Variants in ATRNL1 observed in about 807,000 individuals in gnomAD.
ATRNL1 encodes the protein attractin like 1.
In ATRNL1, 95 loss-of-function variants were observed where a neutral mutation model predicts 182.7. The ratio of observed to expected loss-of-function variants is 0.52; its 90% CI spans 0.44 to 0.62. The LOEUF (loss-of-function observed/expected upper bound fraction) is 0.62, where lower values mean the gene tolerates loss of function less well. ATRNL1 is among the 20% of genes least tolerant of loss of function. The pLI is 0.00. For synonymous variants in ATRNL1, 576 were observed against 568.3 expected (o/e 1.01, Z -0.19); for missense variants, 1,471 against 1,679.5 (o/e 0.88, Z 2.17).
intron 9 of ATRNL1, among the ~76,000 whole-genome samples, chr10:115,220,101 C>T (rs1434516814): frequency 1.3e-5 from 2 of 152,108 alleles, no homozygotes; most frequent in Admixed American, 1.3e-4. Flanking sequence ...TTCATCAATT[C>T]CTCTAGTTAT....
chr10:115,509,211 T>C (rs1334244325), intron 24 of ATRNL1, among the ~76,000 whole-genome samples: 2 of 152,036 alleles, frequency 1.3e-5, no homozygotes, highest in East Asian at 3.9e-4. Context: ...AAAAAAAGAC[T>C]TCTTTCAAAA....
intron 28 of ATRNL1, among the ~76,000 whole-genome samples, chr10:115,868,822 C>CTTTTATTTTTTTTTTTTT (rs1951501068): frequency 1.7e-5 from 1 of 58,084 alleles, no homozygotes; most frequent in Non-Finnish European, 3.2e-5. Context: ...AGTCTTTATT[C>CTTTTATTTTTTTTTTTTT]TTTTTTTTTT....
intron 27 of ATRNL1, among the ~76,000 whole-genome samples, chr10:115,783,730 C>T (rs188911435): frequency 9.9e-5 from 15 of 152,134 alleles, no homozygotes; most frequent in South Asian, 6.2e-4. Context: ...TAAAGTGATT[C>T]GGGGCCGGGC....
chr10:115,592,532 A>G (rs530140894), intron 26 of ATRNL1, among the ~76,000 whole-genome samples: 65 of 152,048 alleles, frequency 4.3e-4, no homozygotes, highest in African/African-American at 1.5e-3. Context: ...GCTCTACCTT[A>G]CTCCACCCCG....
intron 26 of ATRNL1, among the ~76,000 whole-genome samples, chr10:115,636,368 A>G (rs1338511187): frequency 6.6e-6 from 1 of 152,168 alleles, no homozygotes; most frequent in African/African-American, 2.4e-5. Flanking sequence ...AATCCCTTCC[A>G]TTCTTCCCAG....
chr10:115,911,205 G>T, intron 28 of ATRNL1, among the ~76,000 whole-genome samples: 1 of 152,032 alleles, frequency 6.6e-6, no homozygotes, highest in Non-Finnish European at 1.5e-5. Context: ...CTGCCATGTT[G>T]CCCAGGCTGT....
chr10:115,554,550 T>C (rs555689185), intron 26 of ATRNL1, among the ~76,000 whole-genome samples: 5 of 151,586 alleles, frequency 3.3e-5, no homozygotes, highest in Non-Finnish European at 7.4e-5. Flanking sequence ...ATACTGAGGA[T>C]ATAAAGAAAA....
At chr10:115,158,587 G>T (rs1454527632) in intron 5 of ATRNL1, among the ~76,000 whole-genome samples, 1 of 151,714 alleles carries the variant, frequency 6.6e-6, no homozygotes, top group African/African-American at 2.4e-5. Flanking sequence ...GTTTGTACCT[G>T]AAAAATACAG....
At chr10:115,743,138 C>A (rs1361541177) in intron 27 of ATRNL1, among the ~76,000 whole-genome samples, 2 of 151,388 alleles carry the variant, frequency 1.3e-5, no homozygotes, top group Non-Finnish European at 2.9e-5. Context: ...CCACCAGGTG[C>A]TTCCCAGGAC....
chr10:115,158,301 A>G (rs1462812105), intron 5 of ATRNL1, among the ~76,000 whole-genome samples: 1 of 152,052 alleles, frequency 6.6e-6, no homozygotes, highest in Non-Finnish European at 1.5e-5. Context: ...GCCAGGTAGT[A>G]AATACTTTTT....
chr10:115,253,753 A>G (rs1554905986), intron 10 of ATRNL1, among the ~76,000 whole-genome samples: 1 of 152,002 alleles, frequency 6.6e-6, no homozygotes, highest in East Asian at 1.9e-4. Flanking sequence ...CTCATCATTT[A>G]CATTAGGTAT....
rs1555125920 is a variant in ATRNL1 at position 115,946,871 on chromosome 10, C to T, written c.*2092C>T. On this transcript the variant is annotated 3_prime_UTR_variant, in exon 29 of 29. Transcript: ENST00000355044. ...AAGAGAAAGCATAACAATAAAAATA[C>T]AAAAACATACAGATTTAGATGTAAA... The T allele has an allele frequency of 6.6e-6, 1 of 152,074 alleles. No homozygotes were observed. The highest frequency in any genetic ancestry group is 1.5e-5 in the Non-Finnish European group (1 of 67,990). The allele number at this position is 152,074 out of a possible 1,614,324, so 9.4% of individuals were successfully genotyped here. A position where few individuals can be genotyped will look rare whatever the true frequency, so the allele number is the denominator to read the frequency against.
Position 115,093,802 on chromosome 10 carries a change from G to A in ATRNL1, c.52G>A (p.Gly18Arg), listed in dbSNP as rs1225588168. The change falls in exon 1 of 29, where the codon GGG becomes AGG. Residue 18 changes from glycine (G) to arginine (R), a missense_variant. Gly to Arg is a moderately radical substitution (Grantham distance 125). Transcript: ENST00000355044. The surrounding 1 kb of genome is among the most constrained non-coding windows in gnomAD (Gnocchi z 6.1). ...RTGTPQPAAPGVWRARPAGGG... is the reference protein window; with the variant it reads ...RTGTPQPAAPRVWRARPAGGG... ...TGGTACCCCGCAGCCAGCGGCCCCG[G>A]GGGTGTGGAGGGCTCGGCCGGCGGG... 1.9e-5 allele frequency: 28 copies of A among 1,470,026 alleles called. No homozygotes were observed. In the Admixed American group the frequency reaches 3.9e-4, roughly 21 times the overall value. 91.1% of individuals were successfully genotyped at this position (1,470,026 alleles called of 1,614,324 possible).
At chr10:115,336,915 G>A (rs1410402525) in intron 19 of ATRNL1, among the ~76,000 whole-genome samples, 11 of 149,760 alleles carry the variant, frequency 7.3e-5, no homozygotes, top group East Asian at 5.9e-4. Flanking sequence ...GTGTGATCTC[G>A]GCTCACTGCA....
chr10:115,556,027 A>G (rs947756638), intron 26 of ATRNL1, among the ~76,000 whole-genome samples: 2 of 152,068 alleles, frequency 1.3e-5, no homozygotes, highest in African/African-American at 4.8e-5. Flanking sequence ...CAAGTCTGTC[A>G]GACCGAACCA....
At chr10:115,869,862 A>C (rs6585371) in intron 28 of ATRNL1, among the ~76,000 whole-genome samples, 142,208 of 152,032 alleles carry the variant, frequency 0.94, 67,153 homozygotes, top group East Asian at 1. Context: ...ATTAAAAATT[A>C]TTCAGCAATA....
At chr10:115,500,920 CTT>C (rs71010023) in intron 24 of ATRNL1, among the ~76,000 whole-genome samples, 4 of 54,434 alleles carry the variant, frequency 7.3e-5, no homozygotes, top group African/African-American at 1.6e-4. Flanking sequence ...TCAGGTAAGA[CTT>C]TTTTTTTTTT....
chr10:115,617,428 C>T (rs902735731), intron 26 of ATRNL1, among the ~76,000 whole-genome samples: 1 of 151,808 alleles, frequency 6.6e-6, no homozygotes, highest in African/African-American at 2.4e-5. Context: ...GGTGCAATTG[C>T]GGCTCACTGC....
intron 19 of ATRNL1, among the ~76,000 whole-genome samples, chr10:115,356,389 CT>C (rs1159040388): frequency 1.3e-5 from 2 of 152,042 alleles, no homozygotes; most frequent in Non-Finnish European, 2.9e-5. Context: ...ATACTACGTT[CT>C]GTGTTGCACA....
Sources: allele counts gnomAD v4.1 joint callset (sites outside exome capture counted in the v4.1 genomes callset), GRCh38; gene constraint gnomAD v4.1.1; non-coding constraint Gnocchi (gnomAD v3.1); transcripts MANE v1.5; gene names NCBI Gene and HGNC (gene_info 2026-07-23, HGNC 2026-07-21).